Variants in ROR1 observed in about 807,000 individuals in gnomAD.
ROR1 encodes the protein ROR family WNT receptor 1.
A neutral mutation model predicts 78.8 loss-of-function variants in ROR1; 19 were observed. The observed-to-expected ratio is 0.24, with a 90% CI of 0.17 to 0.35. The LOEUF is 0.35. Ranked by LOEUF, ROR1 falls within the 10% of genes least tolerant of loss-of-function variation. ROR1 has a pLI of 1.00. For synonymous variants in ROR1, 386 were observed against 433.6 expected (o/e 0.89, Z 1.36); for missense variants, 917 against 1,177.8 (o/e 0.78, Z 3.24).
intron 1 of ROR1, among the ~76,000 whole-genome samples, chr1:63,885,165 T>C (rs1247300217): frequency 6.6e-6 from 1 of 152,168 alleles, no homozygotes; most frequent in Non-Finnish European, 1.5e-5. Context: ...AAGAGCTGTA[T>C]TTGAATAGTA....
chr1:63,810,130 A>G (rs1232392806), intron 1 of ROR1, among the ~76,000 whole-genome samples: 1 of 152,026 alleles, frequency 6.6e-6, no homozygotes, highest in Non-Finnish European at 1.5e-5. Flanking sequence ...GAAACGAGAA[A>G]CCCATTTTGA....
intron 1 of ROR1, among the ~76,000 whole-genome samples, chr1:63,866,460 A>G (rs1449338697): frequency 6.6e-6 from 1 of 152,194 alleles, no homozygotes; most frequent in African/African-American, 2.4e-5. Context: ...CATCCACTTG[A>G]TCATCTTGAA....
chr1:64,016,618 A>G (rs1203906317), intron 2 of ROR1, among the ~76,000 whole-genome samples: 1 of 151,918 alleles, frequency 6.6e-6, no homozygotes, highest in Non-Finnish European at 1.5e-5. Context: ...TCTCATATCC[A>G]TTCCAGCTTT....
intron 1 of ROR1, among the ~76,000 whole-genome samples, chr1:63,790,802 T>C (rs1346811249): frequency 6.6e-6 from 1 of 152,154 alleles, no homozygotes; most frequent in Non-Finnish European, 1.5e-5. Context: ...TAGGGAAATA[T>C]CCCCTGGGGA....
intron 1 of ROR1, among the ~76,000 whole-genome samples, chr1:63,924,196 GT>G (rs1444797992): frequency 6.6e-6 from 1 of 152,056 alleles, no homozygotes; most frequent in Non-Finnish European, 1.5e-5. Context: ...ACATTACAGT[GT>G]TTTAATTTTC....
chr1:63,919,956 T>C (rs1290049077), intron 1 of ROR1, among the ~76,000 whole-genome samples: 3 of 152,178 alleles, frequency 2.0e-5, no homozygotes, highest in Non-Finnish European at 4.4e-5. Flanking sequence ...GCAAAATAAA[T>C]GTAGCTTAAA....
intron 1 of ROR1, among the ~76,000 whole-genome samples, chr1:63,977,209 A>T (rs1435720453): frequency 6.6e-6 from 1 of 152,194 alleles, no homozygotes; most frequent in Admixed American, 6.5e-5. Flanking sequence ...AATTATGGGA[A>T]CTACAGTTCA....
At chr1:63,965,961 TCA>T (rs1449156700) in intron 1 of ROR1, among the ~76,000 whole-genome samples, 1 of 152,206 alleles carries the variant, frequency 6.6e-6, no homozygotes, top group Non-Finnish European at 1.5e-5. Flanking sequence ...TCTCTAAGCC[TCA>T]GTTTATTCCC....
At chr1:63,917,051 T>C (rs1258256339) in intron 1 of ROR1, among the ~76,000 whole-genome samples, 1 of 152,154 alleles carries the variant, frequency 6.6e-6, no homozygotes, top group East Asian at 1.9e-4. Flanking sequence ...TAAGTCAACA[T>C]TACATATTAT....
At chr1:64,042,058 C>T (rs1271681304) in intron 2 of ROR1, among the ~76,000 whole-genome samples, 4 of 152,114 alleles carry the variant, frequency 2.6e-5, no homozygotes, top group Admixed American at 6.5e-5. Flanking sequence ...GAGAATACTC[C>T]TGAGGATTTT....
chr1:63,966,205 T>C (rs1265339278), intron 1 of ROR1, among the ~76,000 whole-genome samples: 1 of 152,200 alleles, frequency 6.6e-6, no homozygotes, highest in African/African-American at 2.4e-5. Context: ...ACAGGCATAA[T>C]ATGCTCAGCA....
chr1:63,914,673 A>C (rs1645596009), intron 1 of ROR1, among the ~76,000 whole-genome samples: 1 of 152,114 alleles, frequency 6.6e-6, no homozygotes, highest in African/African-American at 2.4e-5. Flanking sequence ...TTGTGTACAC[A>C]TGACCGTTGG....
chr1:63,789,860 T>C lies in ROR1; in HGVS notation c.91+15352T>C, dbSNP rs181435219. Among the ~76,000 whole-genome samples, 12 of 152,142 alleles carry C rather than the reference T, an allele frequency of 7.9e-5. No homozygotes were observed. In the East Asian group the frequency reaches 2.3e-3, roughly 30 times the overall value. On this transcript the variant is annotated intron_variant, in intron 1 of 8. Transcript: ENST00000371079. ...TGGCACAAATCAAAGAGACACTCATTAAATATTTTTCAAAGCAAGGATCCA... is the reference window on the plus strand; with the variant it reads ...TGGCACAAATCAAAGAGACACTCATCAAATATTTTTCAAAGCAAGGATCCA...
At chr1:63,982,564 G>C (rs1006263398) in intron 1 of ROR1, among the ~76,000 whole-genome samples, 16 of 152,118 alleles carry the variant, frequency 1.1e-4, no homozygotes, top group African/African-American at 3.1e-4. Context: ...TGTTTTCTGG[G>C]TAGGCTCAGC....
chr1:63,834,223 A>T (rs915854018), intron 1 of ROR1, among the ~76,000 whole-genome samples: 1 of 151,706 alleles, frequency 6.6e-6, no homozygotes, highest in South Asian at 2.1e-4. Context: ...GGATGGCAGG[A>T]TCTGCTTCAG....
chr1:64,119,026 C>G (rs546981812), intron 4 of ROR1, among the ~76,000 whole-genome samples: 2 of 152,300 alleles, frequency 1.3e-5, no homozygotes, highest in African/African-American at 4.8e-5. Context: ...TGGCGTAACC[C>G]AAGGGCCAAT....
At chr1:64,040,454 A>C (rs752014473) in intron 2 of ROR1, among the ~76,000 whole-genome samples, 1 of 152,214 alleles carries the variant, frequency 6.6e-6, no homozygotes, top group Non-Finnish European at 1.5e-5. Flanking sequence ...ACCTTCTCAT[A>C]ATAAAAACAC....
intron 4 of ROR1, among the ~76,000 whole-genome samples, chr1:64,076,224 A>G (rs1026310830): frequency 6.6e-6 from 1 of 152,206 alleles, no homozygotes; most frequent in African/African-American, 2.4e-5. Flanking sequence ...TCTTAGAGCA[A>G]GAGTTCCCCA....
At chr1:63,840,389 C>T (rs940387278) in intron 1 of ROR1, among the ~76,000 whole-genome samples, 13 of 151,350 alleles carry the variant, frequency 8.6e-5, no homozygotes, top group Middle Eastern at 6.8e-3. Flanking sequence ...GAGTGAGTCT[C>T]CTGCCTCAGC....
Sources: gnomAD v4.1 joint callset for allele counts (sites outside exome capture counted in the v4.1 genomes callset) on GRCh38, gnomAD v4.1.1 for gene constraint, MANE v1.5 for transcripts, NCBI Gene and HGNC (gene_info 2026-07-23, HGNC 2026-07-21) for gene names.